ULK4: variants seen among roughly 807,000 people sequenced by gnomAD.
ULK4 encodes unc-51 like kinase 4.
In ULK4, 133 loss-of-function variants were observed where a neutral mutation model predicts 160.6. The observed-to-expected ratio is 0.83, with a 90% CI of 0.72 to 0.96. The LOEUF is 0.96. Among genes scored for constraint, ULK4 ranks in the 40% least tolerant of loss-of-function variants. The probability of loss-of-function intolerance (pLI) is 0.00; values close to 1 mark genes in which losing one functional copy is unlikely to be tolerated. For synonymous variants in ULK4, 534 were observed against 539.8 expected (o/e 0.99, Z 0.15); for missense variants, 1,580 against 1,499.5 (o/e 1.05, Z -0.89).
At chr3:41,469,387 G>A (rs896339541) in intron 32 of ULK4, among the ~76,000 whole-genome samples, 5 of 151,736 alleles carry the variant, frequency 3.3e-5, no homozygotes, top group Non-Finnish European at 7.4e-5. Flanking sequence ...ATATACTCCT[G>A]TGGCCCAGCC....
chr3:41,259,418 G>A (rs1415349990), intron 35 of ULK4, among the ~76,000 whole-genome samples: 1 of 152,188 alleles, frequency 6.6e-6, no homozygotes, highest in Non-Finnish European at 1.5e-5. Flanking sequence ...GATAATGGCA[G>A]AACCCTGAAG....
chr3:41,824,378 C>A (rs924943816), intron 18 of ULK4, among the ~76,000 whole-genome samples: 1 of 151,850 alleles, frequency 6.6e-6, no homozygotes, highest in Admixed American at 6.6e-5. Flanking sequence ...ATTGCCTCAC[C>A]GGGGAAGCGC....
chr3:41,666,335 A>G (rs1443618199), intron 29 of ULK4, among the ~76,000 whole-genome samples: 1 of 152,214 alleles, frequency 6.6e-6, no homozygotes, highest in East Asian at 1.9e-4. Flanking sequence ...CACTCTTACC[A>G]GGGAGGATAT....
intron 2 of ULK4, among the ~76,000 whole-genome samples, chr3:41,946,306 G>T (rs1700109667): frequency 6.6e-6 from 1 of 152,092 alleles, no homozygotes; most frequent in Admixed American, 6.5e-5. Flanking sequence ...CATACCATAG[G>T]AACCCATTTA....
At chr3:41,636,643 A>G (rs972920736) in intron 30 of ULK4, among the ~76,000 whole-genome samples, 1 of 151,830 alleles carries the variant, frequency 6.6e-6, no homozygotes, top group African/African-American at 2.4e-5. Context: ...TTTAGGGTAC[A>G]TGTGCACAAT....
chr3:41,538,837 T>C (rs1430983452), intron 32 of ULK4, among the ~76,000 whole-genome samples: 1 of 152,124 alleles, frequency 6.6e-6, no homozygotes, highest in African/African-American at 2.4e-5. Context: ...GTGGCATTTA[T>C]GGAGAAAATG....
intron 25 of ULK4, among the ~76,000 whole-genome samples, chr3:41,709,762 A>G (rs1439527379): frequency 6.6e-6 from 1 of 152,204 alleles, no homozygotes; most frequent in Non-Finnish European, 1.5e-5. Flanking sequence ...TCCAAAATGG[A>G]CACATAACTT....
At chr3:41,398,604 C>A (rs2082115371) in intron 34 of ULK4, among the ~76,000 whole-genome samples, 1 of 147,544 alleles carries the variant, frequency 6.8e-6, no homozygotes, top group Non-Finnish European at 1.5e-5. Context: ...GTTGCCCAGG[C>A]TAGTTTTGAA....
intron 12 of ULK4, among the ~76,000 whole-genome samples, chr3:41,907,441 T>C (rs1478131031): frequency 6.6e-6 from 1 of 151,918 alleles, no homozygotes; most frequent in African/African-American, 2.4e-5. Context: ...GGGCTACAGG[T>C]GTGCACCACC....
At chr3:41,524,244 G>C (rs1026223674) in intron 32 of ULK4, among the ~76,000 whole-genome samples, 1 of 152,202 alleles carries the variant, frequency 6.6e-6, no homozygotes, top group Non-Finnish European at 1.5e-5. Context: ...CTAAATGGGT[G>C]AACTGTGTGG....
At chr3:41,664,104 G>A (rs921444913) in intron 29 of ULK4, among the ~76,000 whole-genome samples, 7 of 152,130 alleles carry the variant, frequency 4.6e-5, no homozygotes, top group African/African-American at 7.2e-5. Flanking sequence ...ACTTTCCAAC[G>A]CTGATAATGA....
At chr3:41,266,833 T>C (rs1349128722) in intron 35 of ULK4, among the ~76,000 whole-genome samples, 1 of 152,124 alleles carries the variant, frequency 6.6e-6, no homozygotes, top group Non-Finnish European at 1.5e-5. Flanking sequence ...AAGTGCTTCA[T>C]CCAAACAGCC....
At chr3:41,856,562 CACATATAT>C (rs1559611079) in intron 17 of ULK4, among the ~76,000 whole-genome samples, 6 of 32,540 alleles carry the variant, frequency 1.8e-4, no homozygotes, top group African/African-American at 3.0e-4. Flanking sequence ...TATATATATA[CACATATAT>C]ATATGTGTAT....
chr3:41,435,668 T>C (rs541766445), intron 34 of ULK4, among the ~76,000 whole-genome samples: 2 of 152,290 alleles, frequency 1.3e-5, no homozygotes, highest in Admixed American at 1.3e-4. Flanking sequence ...ACAGACAGGC[T>C]GGGTGCAGTG....
At chr3:41,683,233 C>A (rs9826200) in intron 27 of ULK4, among the ~76,000 whole-genome samples, 1 of 151,954 alleles carries the variant, frequency 6.6e-6, no homozygotes, top group Non-Finnish European at 1.5e-5. Context: ...ACTGGCCTTA[C>A]GAGACCCAAA....
rs1559658064 is a variant in ULK4, at chr3:41,506,769, T to TATATATATATAA, written c.3227-43517_3227-43516insTTATATATATAT. Among the ~76,000 whole-genome samples, 89 of 31,604 alleles carry TATATATATATAA rather than the reference T, an allele frequency of 2.8e-3. 10 individuals are homozygous for TATATATATATAA. The highest frequency in any genetic ancestry group is 7.3e-3 in the African/African-American group (52 of 7,104). 20.7% of individuals were successfully genotyped at this position (31,604 alleles called of 152,430 possible). On this transcript the variant is annotated intron_variant, in intron 32 of 36. Transcript: ENST00000301831. ...CAATACACTGGAGTGTGATTTAAAA[T>TATATATATATAA]ATATATATATATATATATATATATA...
At chr3:41,510,246 A>G (rs373060641) in intron 32 of ULK4, among the ~76,000 whole-genome samples, 1 of 152,240 alleles carries the variant, frequency 6.6e-6, no homozygotes, top group African/African-American at 2.4e-5. Flanking sequence ...AGGACATTAC[A>G]TAATGATAAG....
chr3:41,809,147 C>G (rs922902230), intron 19 of ULK4, among the ~76,000 whole-genome samples: 2 of 134,816 alleles, frequency 1.5e-5, no homozygotes, highest in African/African-American at 5.8e-5. Context: ...GCCTGTGCAA[C>G]AGAGCAAGAC....
intron 25 of ULK4, among the ~76,000 whole-genome samples, chr3:41,714,034 C>T (rs758341599): frequency 3.3e-5 from 5 of 152,138 alleles, no homozygotes; most frequent in Non-Finnish European, 5.9e-5. Flanking sequence ...TTTCAGGCAT[C>T]AATATGCCAA....
Sources: allele counts gnomAD v4.1 joint callset (sites outside exome capture counted in the v4.1 genomes callset), GRCh38; gene constraint gnomAD v4.1.1; transcripts MANE v1.5; gene names NCBI Gene and HGNC (gene_info 2026-07-23, HGNC 2026-07-21).